Variants in MYCBP2 observed in about 807,000 individuals in gnomAD.
The protein encoded by MYCBP2 is E3 ubiquitin-protein ligase MYCBP2.
MYCBP2 carries 120 observed loss-of-function variants against 525.3 expected under a neutral mutation model. The ratio of observed to expected loss-of-function variants is 0.23; its 90% CI spans 0.20 to 0.27. The LOEUF is 0.27. Among genes scored for constraint, MYCBP2 ranks in the 10% least tolerant of loss-of-function variants. MYCBP2 has a pLI of 1.00. For missense variants in MYCBP2, 4,149 were observed against 5,657.1 expected (o/e 0.73, Z 8.55); for synonymous variants, 1,894 against 1,955.8 (o/e 0.97, Z 0.83).
intron 17 of MYCBP2, among the ~76,000 whole-genome samples, chr13:77,242,148 T>C (rs558041388): frequency 5.7e-4 from 87 of 152,298 alleles, no homozygotes; most frequent in African/African-American, 1.9e-3. Context: ...GGAGTCTCAC[T>C]CTGTCGCCAG....
intron 52 of MYCBP2, among the ~76,000 whole-genome samples, chr13:77,132,356 G>T (rs1288372385): frequency 6.6e-6 from 1 of 152,070 alleles, no homozygotes; most frequent in Non-Finnish European, 1.5e-5. Context: ...GATTTAAAAT[G>T]CAAGAAACAT....
chr13:77,236,261 G>A lies in MYCBP2; in HGVS notation c.2630-2998C>T, dbSNP rs182254304. Among the ~76,000 whole-genome samples the A allele has an allele frequency of 1.5e-3, 236 of 152,270 alleles. 1 individual carries two copies. The highest frequency in any genetic ancestry group is 5.5e-3 in the African/African-American group (227 of 41,562). On this transcript the variant is annotated intron_variant, in intron 17 of 82. Transcript: ENST00000544440. ...GTGATTTATTTCTTTCATTGGGAGAGGAGTGAGTAAAATAGGGGTATGAGA... is the reference window on the plus strand; with the variant it reads ...GTGATTTATTTCTTTCATTGGGAGAAGAGTGAGTAAAATAGGGGTATGAGA...
At chr13:77,272,061 G>A (rs2074973809) in intron 5 of MYCBP2, among the ~76,000 whole-genome samples, 1 of 152,218 alleles carries the variant, frequency 6.6e-6, no homozygotes, top group South Asian at 2.1e-4. Context: ...GTTTTGTGTT[G>A]TCTAGTGATT....
chr13:77,198,990 A>AT (rs953424198), intron 26 of MYCBP2, among the ~76,000 whole-genome samples: 2 of 152,134 alleles, frequency 1.3e-5, no homozygotes, highest in Admixed American at 1.3e-4. Flanking sequence ...CAGAATTTTG[A>AT]TTTTTTTAAT....
At chr13:77,218,317 T>G (rs1417295281) in intron 20 of MYCBP2, among the ~76,000 whole-genome samples, 2 of 152,200 alleles carry the variant, frequency 1.3e-5, no homozygotes, top group Non-Finnish European at 1.5e-5. Flanking sequence ...ATAAAAATCA[T>G]GTAATGCCTT....
rs1455880842 is a variant in MYCBP2, at chr13:77,239,177, T to G, written c.2629+3882A>C. Among the ~76,000 whole-genome samples, 6 of 152,228 alleles carry G rather than the reference T, an allele frequency of 3.9e-5. No individual in the cohort carries two copies. In the East Asian group the frequency reaches 1.2e-3, roughly 29 times the overall value. On this transcript the variant is annotated intron_variant, in intron 17 of 82. Coordinates refer to ENST00000544440, the MANE Select transcript of MYCBP2 (RefSeq NM_015057.5). ...CATCTATGAAAAACTTAGTTCAGACTTGGTAAATAAGATGAGACAGAAAAG... is the reference window on the plus strand; with the variant it reads ...CATCTATGAAAAACTTAGTTCAGACGTGGTAAATAAGATGAGACAGAAAAG...
intron 14 of MYCBP2, among the ~76,000 whole-genome samples, chr13:77,251,761 A>T (rs950099410): frequency 4.6e-5 from 7 of 152,142 alleles, no homozygotes; most frequent in Admixed American, 1.3e-4. Flanking sequence ...AGCACATGAC[A>T]ACTTCATAAT....
chr13:77,294,115 T>TACATATATACATATATATATATAC (rs1382628273), intron 2 of MYCBP2, among the ~76,000 whole-genome samples: 1 of 53,798 alleles, frequency 1.9e-5, no homozygotes, highest in South Asian at 5.2e-4. Context: ...TATATATATA[T>TACATATATACATATATATATATAC]ATATATATAT....
intron 24 of MYCBP2, among the ~76,000 whole-genome samples, chr13:77,206,420 T>A (rs572456070): frequency 1.2e-4 from 18 of 151,798 alleles, no homozygotes; most frequent in Non-Finnish European, 2.1e-4. Flanking sequence ...TTTTTAAGGG[T>A]CTACCTCTGT....
At chr13:77,214,178 C>T (rs1293220560) in intron 21 of MYCBP2, among the ~76,000 whole-genome samples, 1 of 152,216 alleles carries the variant, frequency 6.6e-6, no homozygotes, top group Non-Finnish European at 1.5e-5. Flanking sequence ...GGTACCACAA[C>T]ACATTCTGTT....
chr13:77,213,367 C>T (rs2064309905), intron 21 of MYCBP2, among the ~76,000 whole-genome samples: 1 of 151,986 alleles, frequency 6.6e-6, no homozygotes, highest in Admixed American at 6.6e-5. Flanking sequence ...CCCAGCTACT[C>T]AGGAGGCTGA....
At chr13:77,177,558 G>A (rs1410759479) in intron 35 of MYCBP2, among the ~76,000 whole-genome samples, 190 bp downstream of exon 35, 1 of 151,942 alleles carries the variant, frequency 6.6e-6, no homozygotes, top group Non-Finnish European at 1.5e-5. Context: ...CTGTGCTCAA[G>A]TCATCCAACT....
chr13:77,188,810 GA>G (rs529058677), intron 30 of MYCBP2, 140 bp downstream of exon 30: 45 of 477,204 alleles, frequency 9.4e-5, no homozygotes, highest in African/African-American at 7.5e-4. Context: ...CTGTGGTCTA[GA>G]ATATAAATGT....
chr13:77,230,648 G>A (rs2154300296), intron 18 of MYCBP2, among the ~76,000 whole-genome samples: 1 of 152,202 alleles, frequency 6.6e-6, no homozygotes, highest in Non-Finnish European at 1.5e-5. Flanking sequence ...AAATAATTTG[G>A]TGCATGAAAA....
intron 46 of MYCBP2, 122 bp downstream of exon 46, chr13:77,155,936 G>T: frequency 2.3e-6 from 2 of 888,702 alleles, no homozygotes; most frequent in Non-Finnish European, 3.3e-6. Context: ...CAAACTTTCA[G>T]CATCACCCTT....
rs752043837 is a variant in MYCBP2 at position 77,205,338 on chromosome 13, A to G, written c.3761T>C (p.Ile1254Thr). The G allele has an allele frequency of 1.7e-5, 27 of 1,613,790 alleles. No homozygotes were observed. Among genetic ancestry groups the G allele is most frequent in the Non-Finnish European group, 2.5e-6 (3 of 1,179,866 alleles). Residue 1254 changes from isoleucine to threonine, a missense_variant, in exon 26 of 83, where the codon ATA (isoleucine) becomes ACA (threonine). Ile to Thr is a moderately conservative substitution (Grantham distance 89). Transcript: ENST00000544440. Reference protein sequence around the residue: ...WGYSAHSVEAIRFSADTDILL... With the variant: ...WGYSAHSVEATRFSADTDILL... ...AATATCAGTGTCGGCACTGAAACGT[A>G]TAGCTTCTACTGAATGGGCAGAATA...
intron 15 of MYCBP2, among the ~76,000 whole-genome samples, chr13:77,246,382 T>C (rs1042367326): frequency 1.3e-5 from 2 of 151,280 alleles, no homozygotes; most frequent in Non-Finnish European, 2.9e-5. Flanking sequence ...TCCAAAAAAC[T>C]GAAGAGGAGA....
At chr13:77,268,224 T>C (rs2074369966) in intron 7 of MYCBP2, among the ~76,000 whole-genome samples, 1 of 152,154 alleles carries the variant, frequency 6.6e-6, no homozygotes, top group African/African-American at 2.4e-5. Context: ...ACTTGCCAAG[T>C]AAATAATATG....
Position 77,273,419 on chromosome 13 carries a change from A to C in MYCBP2, c.945+53T>G, listed in dbSNP as rs899309751. The C allele has an allele frequency of 1.2e-5, 17 of 1,472,964 alleles. No individual in the cohort carries two copies. The African/African-American group carries it at 2.1e-4, about 18-fold the overall frequency. 91.2% of individuals were successfully genotyped at this position (1,472,964 alleles called of 1,614,324 possible). On this transcript the variant is annotated intron_variant, in intron 5 of 82. Coordinates refer to ENST00000544440, the MANE Select transcript of MYCBP2 (RefSeq NM_015057.5). ...ATTCCTATTGACAGAAATTGAGACG[A>C]AACTGTAACTTGTCATCTTATAAAC...
Sources: gnomAD v4.1 joint callset for allele counts (sites outside exome capture counted in the v4.1 genomes callset) on GRCh38, gnomAD v4.1.1 for gene constraint, MANE v1.5 for transcripts, NCBI Gene and HGNC (gene_info 2026-07-23, HGNC 2026-07-21) for gene names.